The following CDH13 variants were observed in gnomAD, a reference collection of about 807,000 sequenced individuals.
The protein encoded by CDH13 is cadherin 13, also known as cadherin-13.
Under a neutral mutation model 63.8 loss-of-function variants are expected in CDH13, and 24 were observed. That is an observed-to-expected ratio of 0.38 (90% CI 0.27 to 0.53). The LOEUF is 0.53. CDH13 is among the 20% of genes least tolerant of loss of function. The pLI is 0.85. For missense variants in CDH13, 1,049 were observed against 903.1 expected (o/e 1.16, Z -2.07); for synonymous variants, 503 against 355.3 (o/e 1.42, Z -4.67).
chr16:82,673,074 TCAAGCAATCTTTCCA>T (rs1459293239), intron 1 of CDH13, among the ~76,000 whole-genome samples: 1 of 137,512 alleles, frequency 7.3e-6, no homozygotes, highest in Non-Finnish European at 1.5e-5. Flanking sequence ...ACTCCTGGGC[TCAAGCAATCTTTCCA>T]CCTTGGCCTT....
At chr16:83,705,427 C>T (rs1300862921) in intron 10 of CDH13, among the ~76,000 whole-genome samples, 2 of 152,006 alleles carry the variant, frequency 1.3e-5, no homozygotes, top group East Asian at 3.9e-4. Flanking sequence ...TGGAGACCAT[C>T]CTGGCTAACA....
At chr16:83,078,119 G>C (rs7193131) in intron 3 of CDH13, among the ~76,000 whole-genome samples, 4,033 of 152,108 alleles carry the variant, frequency 0.027, 176 homozygotes, top group African/African-American at 0.091. Flanking sequence ...CTGCTCACGC[G>C]TGCATGGTTC....
intron 10 of CDH13, among the ~76,000 whole-genome samples, chr16:83,716,608 A>G (rs254324): frequency 1 from 151,577 of 152,140 alleles, 75,510 homozygotes; most frequent in Middle Eastern, 1. Context: ...CTCAGCCTCC[A>G]GAGTAGCTGG....
intron 1 of CDH13, among the ~76,000 whole-genome samples, chr16:82,803,616 T>C (rs1015267341): frequency 5.6e-4 from 85 of 152,344 alleles, no homozygotes; most frequent in African/African-American, 1.9e-3. Context: ...CTGTGGTATA[T>C]GCATGCCGTG....
chr16:82,948,920 T>C lies in CDH13; in HGVS notation c.158-83090T>C, dbSNP rs963480874. Among the ~76,000 whole-genome samples, 10 of 152,326 alleles carry C rather than the reference T, an allele frequency of 6.6e-5. 1 individual carries two copies. The highest frequency in any genetic ancestry group is 5.9e-4 in the Admixed American group (9 of 15,294). On this transcript the variant is annotated intron_variant, in intron 2 of 13. Transcript: ENST00000567109. ...AAAGTTTACTTACTTTCGTGATATA[T>C]ATCTGGTCCAGACCTTGTAAGTAAT...
intron 4 of CDH13, among the ~76,000 whole-genome samples, chr16:83,165,084 A>AC (rs57181972): frequency 2.2e-5 from 1 of 44,822 alleles, no homozygotes; most frequent in African/African-American, 2.8e-4. Flanking sequence ...GAAGCAGGAG[A>AC]AAAAAAAAAA....
chr16:82,906,187 G>T (rs2041641182), intron 2 of CDH13, among the ~76,000 whole-genome samples: 1 of 152,080 alleles, frequency 6.6e-6, no homozygotes, highest in Non-Finnish European at 1.5e-5. Context: ...AGAAGTTTTT[G>T]CAGTTCTCAT....
At chr16:83,633,205 G>A (rs1567470029) in intron 8 of CDH13, among the ~76,000 whole-genome samples, 1 of 151,744 alleles carries the variant, frequency 6.6e-6, no homozygotes, top group Non-Finnish European at 1.5e-5. Context: ...TCCTGACAAT[G>A]CAACCCAGTA....
intron 6 of CDH13, among the ~76,000 whole-genome samples, chr16:83,392,483 A>G (rs533220410): frequency 2.7e-4 from 41 of 152,328 alleles, no homozygotes; most frequent in Middle Eastern, 6.8e-3. Context: ...TAGAACCTCA[A>G]TTATCATCGT....
chr16:83,759,845 T>C (rs532565218), intron 11 of CDH13, among the ~76,000 whole-genome samples: 4 of 151,880 alleles, frequency 2.6e-5, no homozygotes, highest in Non-Finnish European at 5.9e-5. Flanking sequence ...GGACGATCAC[T>C]TGAGCCCAGG....
chr16:83,191,673 A>T (rs1409276081), intron 4 of CDH13, among the ~76,000 whole-genome samples: 1 of 151,352 alleles, frequency 6.6e-6, no homozygotes, highest in Non-Finnish European at 1.5e-5. Flanking sequence ...CCAAGTTCCA[A>T]AGCTGAAGAA....
intron 8 of CDH13, among the ~76,000 whole-genome samples, chr16:83,607,879 T>A (rs1318261431): frequency 6.6e-6 from 1 of 152,158 alleles, no homozygotes; most frequent in East Asian, 1.9e-4. Flanking sequence ...GCAGCCCCAT[T>A]TGTGGCTTTT....
rs150997534 is a variant in CDH13 at position 83,168,253 on chromosome 16, C to CA, written c.483+42759dup. ...GGTGCTTATTTTTAAAATAAATGAA[C>CA]AAAAAAACCCCAAAGAGCTTAGCTA... On this transcript the variant is annotated intron_variant, in intron 4 of 13. Transcript: ENST00000567109. 3.7e-3 allele frequency among the ~76,000 whole-genome samples: 568 copies of CA among 151,722 alleles called. 4 individuals carry two copies. Among genetic ancestry groups the CA allele is most frequent in the African/African-American group, 0.013 (548 of 41,404 alleles).
intron 2 of CDH13, among the ~76,000 whole-genome samples, chr16:83,024,679 G>A (rs1187523270): frequency 6.6e-6 from 1 of 152,218 alleles, no homozygotes; most frequent in African/African-American, 2.4e-5. Context: ...AATCATTAGT[G>A]TAAAGCTCAC....
chr16:83,627,863 C>G (rs1910455174), intron 8 of CDH13, among the ~76,000 whole-genome samples: 1 of 152,124 alleles, frequency 6.6e-6, no homozygotes, highest in Non-Finnish European at 1.5e-5. Flanking sequence ...CCCCAAGGGC[C>G]AAAGGACTAT....
intron 2 of CDH13, among the ~76,000 whole-genome samples, chr16:82,973,356 C>G (rs998526542): frequency 1.3e-5 from 2 of 152,176 alleles, no homozygotes; most frequent in African/African-American, 4.8e-5. Flanking sequence ...CCAAACATAG[C>G]TTTAAAGCCT....
chr16:82,734,661 A>G (rs2033577700), intron 1 of CDH13, among the ~76,000 whole-genome samples: 1 of 152,234 alleles, frequency 6.6e-6, no homozygotes, highest in South Asian at 2.1e-4. Flanking sequence ...AGGAGTGAGC[A>G]GAGGGAGAAG....
chr16:83,541,448 C>G (rs750476522), intron 7 of CDH13, among the ~76,000 whole-genome samples: 10 of 152,286 alleles, frequency 6.6e-5, no homozygotes, highest in Non-Finnish European at 1.0e-4. Flanking sequence ...TGGCAGAGAT[C>G]GTGTGTTCAC....
At chr16:82,810,021 G>C (rs899217147) in intron 1 of CDH13, among the ~76,000 whole-genome samples, 2 of 152,186 alleles carry the variant, frequency 1.3e-5, no homozygotes, top group Non-Finnish European at 2.9e-5. Flanking sequence ...GAGGAAGCCT[G>C]CCATCGCCCG....
Sources: gnomAD v4.1 joint callset for allele counts (sites outside exome capture counted in the v4.1 genomes callset) on GRCh38, gnomAD v4.1.1 for gene constraint, MANE v1.5 for transcripts, NCBI Gene and HGNC (gene_info 2026-07-23, HGNC 2026-07-21) for gene names.